The following EML6 variants were observed in gnomAD, a reference collection of about 807,000 sequenced individuals.
The protein encoded by EML6 is echinoderm microtubule-associated protein-like 6.
In EML6, 154 loss-of-function variants were observed where a neutral mutation model predicts 240.1. That is an observed-to-expected ratio of 0.64 (90% CI 0.56 to 0.73). EML6 has a LOEUF of 0.73. EML6 is among the 30% of genes least tolerant of loss of function. EML6 has a pLI of 0.00. For missense variants in EML6, 2,964 were observed against 2,474.6 expected (o/e 1.20, Z -4.20); for synonymous variants, 1,148 against 899.0 (o/e 1.28, Z -4.95).
rs1403339125 is a variant in EML6 at position 54,928,557 on chromosome 2, C to G, written c.3877+43C>G. 2.3e-5 allele frequency: 36 copies of G among 1,550,074 alleles called. 1 individual carries two copies. The highest frequency in any genetic ancestry group is 2.9e-5 in the Non-Finnish European group (33 of 1,145,536). ...CACATGCCTCCTGCGCCGAATGCAC[C>G]TCCCAACACCTCCCTTCCTGGGCCA... On this transcript the variant is annotated intron_variant, in intron 27 of 41. Coordinates refer to ENST00000356458, the MANE Select transcript of EML6 (RefSeq NM_001039753.4).
intron 2 of EML6, among the ~76,000 whole-genome samples, chr2:54,757,381 A>C (rs1232024291): frequency 3.9e-5 from 6 of 152,122 alleles, no homozygotes; most frequent in Non-Finnish European, 4.4e-5. Flanking sequence ...TTTGCAATGG[A>C]GGATGCTGTA....
chr2:54,878,316 A>G (rs1671615616), intron 16 of EML6, among the ~76,000 whole-genome samples: 1 of 152,076 alleles, frequency 6.6e-6, no homozygotes, highest in Admixed American at 6.6e-5. Context: ...GTGTTGCTTT[A>G]TTTACCCTCA....
At chr2:54,761,189 G>T (rs1351223339) in intron 2 of EML6, among the ~76,000 whole-genome samples, 3 of 152,040 alleles carry the variant, frequency 2.0e-5, no homozygotes, top group Admixed American at 6.6e-5. Context: ...ATTTTAAACA[G>T]ACTACCAAAG....
intron 2 of EML6, among the ~76,000 whole-genome samples, chr2:54,732,891 A>T (rs988201060): frequency 2.0e-5 from 3 of 152,206 alleles, no homozygotes; most frequent in Non-Finnish European, 4.4e-5. Flanking sequence ...TTTGCTTTTT[A>T]AAAATGATTT....
chr2:54,791,545 C>G (rs373707768), intron 2 of EML6, among the ~76,000 whole-genome samples: 41 of 152,156 alleles, frequency 2.7e-4, no homozygotes, highest in African/African-American at 8.7e-4. Context: ...ACTTCTAGTT[C>G]CAGTCAGTGG....
At position 54,844,150 on chromosome 2, in the gene EML6, G is replaced by A; in HGVS notation, c.951G>A (p.Met317Ile). The A allele has an allele frequency of 6.4e-7, 1 of 1,551,768 alleles. No homozygotes were observed. Among genetic ancestry groups the A allele is most frequent in the Non-Finnish European group, 8.7e-7 (1 of 1,146,996 alleles). ...EVIVRERDKP[M>I]LILQGHCEGE... ...TTGTGCGAGAGCGAGACAAGCCGATGTTGATCCTACAGGGCCACTGCGAGG... is the reference window on the plus strand; with the variant it reads ...TTGTGCGAGAGCGAGACAAGCCGATATTGATCCTACAGGGCCACTGCGAGG... The change falls in exon 8 of 42, where the codon ATG becomes ATA. Residue 317 changes from methionine (M) to isoleucine (I), a missense_variant. Coordinates refer to ENST00000356458, the MANE Select transcript of EML6 (RefSeq NM_001039753.4).
At chr2:54,856,647 G>C (rs1190422898) in intron 11 of EML6, among the ~76,000 whole-genome samples, 2 of 152,192 alleles carry the variant, frequency 1.3e-5, no homozygotes, top group African/African-American at 4.8e-5. Flanking sequence ...GGCCAGTGTG[G>C]CTAGAACTTA....
chr2:54,870,825 C>T (rs983650841), intron 15 of EML6, among the ~76,000 whole-genome samples: 2 of 152,116 alleles, frequency 1.3e-5, no homozygotes. Context: ...GTAGGAGTGG[C>T]CTGGATTCTG....
At chr2:54,897,030 C>T (rs1365874541) in intron 21 of EML6, among the ~76,000 whole-genome samples, 1 of 152,148 alleles carries the variant, frequency 6.6e-6, no homozygotes, top group East Asian at 1.9e-4. Flanking sequence ...TTGTTTTCTT[C>T]CAAACTAAAT....
At chr2:54,922,379 A>G (rs1016889248) in intron 26 of EML6, among the ~76,000 whole-genome samples, 1 of 152,208 alleles carries the variant, frequency 6.6e-6, no homozygotes, top group African/African-American at 2.4e-5. Context: ...GATGTCTATT[A>G]AAAAAAGAAC....
intron 34 of EML6, 106 bp downstream of exon 34, chr2:54,959,367 T>A (rs937191500): frequency 3.8e-5 from 43 of 1,130,728 alleles, no homozygotes; most frequent in Non-Finnish European, 5.1e-5. Flanking sequence ...CATCCTCCTA[T>A]CTTTTTTGCA....
chr2:54,919,726 AT>A (rs1674121521), intron 26 of EML6, among the ~76,000 whole-genome samples: 1 of 152,114 alleles, frequency 6.6e-6, no homozygotes, highest in Non-Finnish European at 1.5e-5. Context: ...AGATAACTAA[AT>A]CCCCCACAGT....
intron 24 of EML6, among the ~76,000 whole-genome samples, chr2:54,907,738 C>A (rs1673395906): frequency 6.6e-6 from 1 of 152,156 alleles, no homozygotes; most frequent in Non-Finnish European, 1.5e-5. Context: ...AGTTTTTAAT[C>A]TGTGTGAGCA....
At chr2:54,805,525 T>C (rs562652027) in intron 2 of EML6, among the ~76,000 whole-genome samples, 5 of 152,188 alleles carry the variant, frequency 3.3e-5, no homozygotes, top group African/African-American at 4.8e-5. Context: ...CAGCATATTT[T>C]AAATTAAGTT....
chr2:54,854,726 G>A (rs12713282), intron 11 of EML6, among the ~76,000 whole-genome samples: 89,001 of 152,134 alleles, frequency 0.59, 26,323 homozygotes, highest in South Asian at 0.66. Flanking sequence ...AACATAAAAT[G>A]CATAACAAGA....
chr2:54,897,184 A>T lies in EML6; in HGVS notation c.2982+1784A>T, dbSNP rs190905316. Among the ~76,000 whole-genome samples, 20 of 152,308 alleles carry T rather than the reference A, an allele frequency of 1.3e-4. No individual in the cohort carries two copies. In the East Asian group the frequency reaches 1.3e-3, roughly 10 times the overall value. On this transcript the variant is annotated intron_variant, in intron 21 of 41. Coordinates refer to ENST00000356458, the MANE Select transcript of EML6 (RefSeq NM_001039753.4). Reference sequence around the variant, plus strand: ...TTTAGAAGATTTATGCCCCAATATGATTTAAATAATACTGTAAGATCTAAA... The same window carrying T: ...TTTAGAAGATTTATGCCCCAATATGTTTTAAATAATACTGTAAGATCTAAA...
intron 2 of EML6, among the ~76,000 whole-genome samples, chr2:54,805,969 GTC>G (rs1031645954): frequency 6.6e-6 from 1 of 151,974 alleles, no homozygotes; most frequent in Non-Finnish European, 1.5e-5. Flanking sequence ...ATAAATGTGG[GTC>G]TCTCTATGGA....
chr2:54,849,528 G>A (rs565386529), intron 9 of EML6, among the ~76,000 whole-genome samples: 1 of 152,078 alleles, frequency 6.6e-6, no homozygotes, highest in Non-Finnish European at 1.5e-5. Context: ...TTGCTCTGTC[G>A]CCCAAGCTGG....
At chr2:54,761,023 A>G (rs1667958621) in intron 2 of EML6, among the ~76,000 whole-genome samples, 1 of 152,082 alleles carries the variant, frequency 6.6e-6, no homozygotes, top group South Asian at 2.1e-4. Flanking sequence ...TATGCTAGTG[A>G]AGTTAATCCC....
Sources: gnomAD v4.1 joint callset for allele counts (sites outside exome capture counted in the v4.1 genomes callset) on GRCh38, gnomAD v4.1.1 for gene constraint, MANE v1.5 for transcripts, NCBI Gene and HGNC (gene_info 2026-07-23, HGNC 2026-07-21) for gene names.